MAGI2: variants seen among roughly 807,000 people sequenced by gnomAD.
The protein encoded by MAGI2 is membrane associated guanylate kinase, WW and PDZ domain containing 2.
A neutral mutation model predicts 133.3 loss-of-function variants in MAGI2; 35 were observed. The observed-to-expected ratio is 0.26, with a 90% CI of 0.20 to 0.35. The LOEUF (loss-of-function observed/expected upper bound fraction) is 0.35, where lower values mean the gene tolerates loss of function less well. MAGI2 is among the 10% of genes least tolerant of loss of function. The probability of loss-of-function intolerance (pLI) is 1.00; values close to 1 mark genes in which losing one functional copy is unlikely to be tolerated. For missense variants in MAGI2, 1,636 were observed against 1,863.4 expected (o/e 0.88, Z 2.25); for synonymous variants, 729 against 710.6 (o/e 1.03, Z -0.41).
At chr7:79,436,641 A>G (rs1382124689) in intron 1 of MAGI2, among the ~76,000 whole-genome samples, 2 of 152,240 alleles carry the variant, frequency 1.3e-5, no homozygotes, top group Non-Finnish European at 2.9e-5. Context: ...TAAAACCACA[A>G]TGATACATCA....
chr7:78,192,227 T>TC (rs1828284724), intron 12 of MAGI2, among the ~76,000 whole-genome samples: 4 of 152,158 alleles, frequency 2.6e-5, no homozygotes, highest in Non-Finnish European at 4.4e-5. Context: ...GCACTGATTT[T>TC]TCCCCCCCCA....
chr7:78,969,446 T>G (rs1803601094), intron 2 of MAGI2, among the ~76,000 whole-genome samples: 1 of 151,994 alleles, frequency 6.6e-6, no homozygotes, highest in Admixed American at 6.6e-5. Context: ...CCACTCCAAG[T>G]GTGTGTTCGT....
intron 1 of MAGI2, among the ~76,000 whole-genome samples, chr7:79,335,492 C>T (rs6965742): frequency 0.68 from 102,562 of 151,896 alleles, 35,039 homozygotes; most frequent in Non-Finnish European, 0.71. Flanking sequence ...AAGATATATG[C>T]AGTAATGTAA....
chr7:79,109,651 C>G (rs538656615), intron 1 of MAGI2, among the ~76,000 whole-genome samples: 30 of 152,208 alleles, frequency 2.0e-4, no homozygotes, highest in African/African-American at 6.7e-4. Flanking sequence ...AAAGAAAAAG[C>G]TTTTTTGAAA....
At chr7:78,947,899 T>C (rs1274292736) in intron 2 of MAGI2, among the ~76,000 whole-genome samples, 2 of 152,164 alleles carry the variant, frequency 1.3e-5, no homozygotes, top group African/African-American at 4.8e-5. Flanking sequence ...CTAAGAATTA[T>C]ATAAATTTGT....
intron 1 of MAGI2, among the ~76,000 whole-genome samples, chr7:79,024,058 G>T (rs1387440301): frequency 6.6e-6 from 1 of 152,058 alleles, no homozygotes; most frequent in Non-Finnish European, 1.5e-5. Context: ...AAAGCTGGAG[G>T]CATCACATTT....
intron 1 of MAGI2, among the ~76,000 whole-genome samples, chr7:79,055,277 G>A (rs1813046743): frequency 7.6e-6 from 1 of 131,372 alleles, no homozygotes; most frequent in Non-Finnish European, 1.6e-5. Flanking sequence ...AACTTTGTAA[G>A]GGCATGCCTT....
intron 2 of MAGI2, among the ~76,000 whole-genome samples, chr7:78,872,633 A>G (rs1202222318): frequency 6.7e-6 from 1 of 149,518 alleles, no homozygotes; most frequent in African/African-American, 2.5e-5. Flanking sequence ...TTTTTTTTTT[A>G]GATTCACTCT....
intron 6 of MAGI2, among the ~76,000 whole-genome samples, chr7:78,399,859 G>A (rs1796699038): frequency 7.5e-6 from 1 of 133,684 alleles, no homozygotes; most frequent in Non-Finnish European, 1.6e-5. Context: ...AAAAACACAA[G>A]CGCATGAACA....
In MAGI2 at chr7:78,336,392, T is replaced by A. The variant is rs59619158; in HGVS notation, c.1408+7386A>T. ...AGCGACCACTGAAAGAGCAGTGATA[T>A]CTACCTGCTCAAGTGGAGAAGTGCC... On this transcript the variant is annotated intron_variant, in intron 9 of 21. Coordinates refer to ENST00000354212, the MANE Select transcript of MAGI2 (RefSeq NM_012301.4). Among the ~76,000 whole-genome samples, 1,015 of 152,200 alleles carry A rather than the reference T, an allele frequency of 6.7e-3. 2 individuals carry two copies. The highest frequency in any genetic ancestry group is 0.011 in the Admixed American group (162 of 15,286).
intron 2 of MAGI2, among the ~76,000 whole-genome samples, chr7:78,992,935 T>A (rs762046340): frequency 1.3e-5 from 2 of 152,136 alleles, no homozygotes; most frequent in Non-Finnish European, 2.9e-5. Context: ...AAGATTCTTT[T>A]TCTTGCTCCA....
At chr7:78,117,816 C>T (rs1441245200) in intron 20 of MAGI2, among the ~76,000 whole-genome samples, 2 of 152,118 alleles carry the variant, frequency 1.3e-5, no homozygotes, top group Admixed American at 6.5e-5. Context: ...GTGAATTTTG[C>T]CTGATATAAT....
At chr7:79,324,080 A>C (rs1839407598) in intron 1 of MAGI2, among the ~76,000 whole-genome samples, 1 of 152,134 alleles carries the variant, frequency 6.6e-6, no homozygotes, top group Non-Finnish European at 1.5e-5. Context: ...ACAGCAAAGC[A>C]CTGTTATTAT....
intron 4 of MAGI2, among the ~76,000 whole-genome samples, chr7:78,506,611 C>T (rs1045341007): frequency 6.6e-6 from 1 of 152,132 alleles, no homozygotes; most frequent in African/African-American, 2.4e-5. Flanking sequence ...TTGCAAAAGC[C>T]AAGCAAAGGG....
At chr7:78,508,869 T>C (rs556724070) in intron 4 of MAGI2, among the ~76,000 whole-genome samples, 1 of 151,152 alleles carries the variant, frequency 6.6e-6, no homozygotes, top group South Asian at 2.1e-4. Context: ...ATGCTTTTAT[T>C]GTTAAATTGA....
intron 9 of MAGI2, among the ~76,000 whole-genome samples, chr7:78,327,733 A>G (rs904299420): frequency 6.6e-6 from 1 of 152,202 alleles, no homozygotes; most frequent in Non-Finnish European, 1.5e-5. Context: ...GGATGCATCT[A>G]TCTTGAATAG....
chr7:78,872,102 AAAAC>A lies in MAGI2; in HGVS notation c.418+134984_418+134987del, dbSNP rs199945962. ...GGAATACTTTTACCTTCTTTCCTCCAAAACAAACAAACAAACAAACAAATAAAAT... is the reference window on the plus strand; with the variant it reads ...GGAATACTTTTACCTTCTTTCCTCCAAAACAAACAAACAAACAAATAAAAT... On this transcript the variant is annotated intron_variant, in intron 2 of 21. Coordinates refer to ENST00000354212, the MANE Select transcript of MAGI2 (RefSeq NM_012301.4). Among the ~76,000 whole-genome samples, 526 of 151,686 alleles carry A rather than the reference AAAAC, an allele frequency of 3.5e-3. 4 individuals are homozygous for A. Among genetic ancestry groups the A allele is most frequent in the African/African-American group, 0.012 (496 of 41,420 alleles).
intron 1 of MAGI2, among the ~76,000 whole-genome samples, chr7:79,080,629 C>A (rs1381100740): frequency 6.6e-6 from 1 of 152,014 alleles, no homozygotes; most frequent in African/African-American, 2.4e-5. Flanking sequence ...CTCCTATCTT[C>A]AAAGCTCTTA....
chr7:78,753,511 G>C (rs1404522294), intron 2 of MAGI2, among the ~76,000 whole-genome samples: 1 of 152,084 alleles, frequency 6.6e-6, no homozygotes, highest in Non-Finnish European at 1.5e-5. Context: ...CATAAGAGGG[G>C]AAGAGAGAAA....
Sources: allele counts gnomAD v4.1 joint callset (sites outside exome capture counted in the v4.1 genomes callset), GRCh38; gene constraint gnomAD v4.1.1; transcripts MANE v1.5; gene names NCBI Gene and HGNC (gene_info 2026-07-23, HGNC 2026-07-21).